PIEZO2: variants seen among roughly 807,000 people sequenced by gnomAD.
PIEZO2 encodes the protein piezo type mechanosensitive ion channel component 2, also known as piezo-type mechanosensitive ion channel component 2.
A neutral mutation model predicts 337.3 loss-of-function variants in PIEZO2; 172 were observed. That is an observed-to-expected ratio of 0.51 (90% CI 0.45 to 0.58). PIEZO2 has a LOEUF of 0.58. Among genes scored for constraint, PIEZO2 ranks in the 20% least tolerant of loss-of-function variants. PIEZO2 has a pLI of 0.00. For missense variants in PIEZO2, 3,028 were observed against 3,391.3 expected (o/e 0.89, Z 2.66); for synonymous variants, 1,251 against 1,228.5 (o/e 1.02, Z -0.38).
chr18:10,810,176 T>C (rs1013623049), intron 7 of PIEZO2, among the ~76,000 whole-genome samples: 1 of 152,114 alleles, frequency 6.6e-6, no homozygotes, highest in Non-Finnish European at 1.5e-5. Flanking sequence ...GACGCAAGTA[T>C]ATGAAAAAGA....
At chr18:10,780,054 A>G (rs1020157075) in intron 18 of PIEZO2, among the ~76,000 whole-genome samples, 1 of 152,160 alleles carries the variant, frequency 6.6e-6, no homozygotes, top group Admixed American at 6.5e-5. Flanking sequence ...CACTAATTCT[A>G]CCAAAGAACA....
At chr18:10,989,760 A>G (rs1338790477) in intron 2 of PIEZO2, among the ~76,000 whole-genome samples, 1 of 152,196 alleles carries the variant, frequency 6.6e-6, no homozygotes, top group Non-Finnish European at 1.5e-5. Flanking sequence ...GCTATTGTAG[A>G]TAAATTATAA....
intron 1 of PIEZO2, among the ~76,000 whole-genome samples, chr18:11,114,539 C>T (rs1160313296): frequency 2.0e-5 from 3 of 152,110 alleles, no homozygotes; most frequent in African/African-American, 4.8e-5. Context: ...GTGGTGTGCA[C>T]CTGTAATCCC....
rs369118135 is a variant in PIEZO2 at position 10,809,040 on chromosome 18, C to T, written c.918-1766G>A. 2.0e-4 allele frequency among the ~76,000 whole-genome samples: 31 copies of T among 152,260 alleles called. No homozygotes were observed. In the East Asian group the frequency reaches 5.4e-3, roughly 27 times the overall value. ...AACTAAATGCTTCATATCATATAGA[C>T]ATTACATACCTTGCCACTGATAACA... is the stretch of plus-strand genomic sequence containing the variant. On this transcript the variant is annotated intron_variant, in intron 7 of 55. Transcript: ENST00000674853.
chr18:10,723,210 G>A (rs575881405), intron 36 of PIEZO2, among the ~76,000 whole-genome samples: 1 of 151,874 alleles, frequency 6.6e-6, no homozygotes, highest in Non-Finnish European at 1.5e-5. Context: ...CAGGTGATCC[G>A]CCCACCTTAG....
rs1431916672 is a variant in PIEZO2 at position 11,110,467 on chromosome 18, G to A, written c.64+38058C>T. Among the ~76,000 whole-genome samples, 2 of 152,186 alleles carry A rather than the reference G, an allele frequency of 1.3e-5. No individual in the cohort carries two copies. The highest frequency in any genetic ancestry group is 2.1e-4 in the South Asian group (1 of 4,826). On this transcript the variant is annotated intron_variant, in intron 1 of 55. Coordinates refer to ENST00000674853, the MANE Select transcript of PIEZO2 (RefSeq NM_001378183.1). The surrounding 1 kb of genome is among the most constrained non-coding windows in gnomAD (Gnocchi z 4.2). ...GCGGCCTTAACTCCTCACAAGTCCC[G>A]TGGGTCCCCATGTGACCTCAGTCCA...
intron 7 of PIEZO2, among the ~76,000 whole-genome samples, chr18:10,831,926 A>T (rs2144543430): frequency 6.6e-6 from 1 of 152,270 alleles, no homozygotes; most frequent in Non-Finnish European, 1.5e-5. Flanking sequence ...AAGCTCCGTG[A>T]TTCTCAGGCT....
At chr18:10,725,478 C>G in intron 36 of PIEZO2, 1 of 1,522,392 alleles carries the variant, frequency 6.6e-7, no homozygotes, top group Non-Finnish European at 9.0e-7. Context: ...TGTGGGTATC[C>G]GGGTGGATGG....
At chr18:10,961,587 T>A (rs1051806831) in intron 3 of PIEZO2, among the ~76,000 whole-genome samples, 9 of 151,912 alleles carry the variant, frequency 5.9e-5, no homozygotes, top group African/African-American at 1.5e-4. Context: ...ATAAAAATTT[T>A]AAAAAAAGAA....
In PIEZO2 at chr18:10,813,289, A is replaced by T. The variant is rs2040256812; in HGVS notation, c.918-6015T>A. ...CCACCGCGCCCGGGCCATTTTAAACATTTTTAAGAACACAGTTCAGTGGTA... is the reference window on the plus strand; with the variant it reads ...CCACCGCGCCCGGGCCATTTTAAACTTTTTTAAGAACACAGTTCAGTGGTA... On this transcript the variant is annotated intron_variant, in intron 7 of 55. Coordinates refer to ENST00000674853, the MANE Select transcript of PIEZO2 (RefSeq NM_001378183.1). The surrounding 1 kb of genome is among the most constrained non-coding windows in gnomAD (Gnocchi z 4.2). 6.6e-6 allele frequency among the ~76,000 whole-genome samples: 1 copy of T among 152,270 alleles called. No homozygotes were observed. Among genetic ancestry groups the T allele is most frequent in the African/African-American group, 2.4e-5 (1 of 41,550 alleles).
chr18:10,934,953 G>A (rs2032301427), intron 3 of PIEZO2, among the ~76,000 whole-genome samples: 2 of 152,062 alleles, frequency 1.3e-5, no homozygotes, highest in African/African-American at 4.8e-5. Context: ...CCACAGAGAG[G>A]TTAACTGACT....
intron 18 of PIEZO2, among the ~76,000 whole-genome samples, chr18:10,776,348 G>A (rs2038785608): frequency 6.6e-6 from 1 of 152,128 alleles, no homozygotes; most frequent in Non-Finnish European, 1.5e-5. Context: ...TAATTACACA[G>A]GAAACATTTT....
In PIEZO2 at chr18:11,001,267, T is replaced by G. The variant is rs1190688605; in HGVS notation, c.161-21607A>C. The stretch of plus-strand genomic sequence containing the variant: ...TACTTTATGGCTTATGGTGGATTTT[T>G]ATGCATGGGTCATCTGGCCACGATT... On this transcript the variant is annotated intron_variant, in intron 2 of 55. Transcript: ENST00000674853. The surrounding 1 kb of genome is among the most constrained non-coding windows in gnomAD (Gnocchi z 5.3). 1.3e-5 allele frequency among the ~76,000 whole-genome samples: 2 copies of G among 152,186 alleles called. No individual in the cohort carries two copies. Among genetic ancestry groups the G allele is most frequent in the Non-Finnish European group, 2.9e-5 (2 of 68,018 alleles).
chr18:10,990,001 C>A (rs1211082843), intron 2 of PIEZO2, among the ~76,000 whole-genome samples: 121 of 152,070 alleles, frequency 8.0e-4, no homozygotes, highest in Non-Finnish European at 1.5e-4. Flanking sequence ...ATGACATTTA[C>A]CACATTATTG....
chr18:10,685,804 A>C (rs2034521827), intron 49 of PIEZO2, among the ~76,000 whole-genome samples: 1 of 152,136 alleles, frequency 6.6e-6, no homozygotes, highest in Non-Finnish European at 1.5e-5. Flanking sequence ...CTTGTACCTA[A>C]AGGGCCTTGT....
At chr18:10,776,308 T>G (rs1178482627) in intron 18 of PIEZO2, among the ~76,000 whole-genome samples, 1 of 152,218 alleles carries the variant, frequency 6.6e-6, no homozygotes, top group Non-Finnish European at 1.5e-5. Flanking sequence ...AAAATTAAGG[T>G]GGTTTCTGTT....
chr18:11,055,534 G>C (rs144034955), intron 2 of PIEZO2, among the ~76,000 whole-genome samples: 1 of 152,240 alleles, frequency 6.6e-6, no homozygotes, highest in Non-Finnish European at 1.5e-5. Flanking sequence ...CTGGGGAAGA[G>C]AATTCCAGGC....
Position 10,828,128 on chromosome 18 carries a change from TTG to T in PIEZO2, c.918-20856_918-20855del, listed in dbSNP as rs1455297900. Among the ~76,000 whole-genome samples, 33 of 87,186 alleles carry T rather than the reference TTG, an allele frequency of 3.8e-4. No homozygotes were observed. Among genetic ancestry groups the T allele is most frequent in the African/African-American group, 1.8e-3 (28 of 15,914 alleles). 57.2% of individuals were successfully genotyped at this position (87,186 alleles called of 152,430 possible). Reference sequence around the variant, plus strand: ...AAATAGCATGACGGTTTTTTTTTGTTTGTTTGTTTTTGTTTTTTTTTTTTTTT... The same window carrying T: ...AAATAGCATGACGGTTTTTTTTTGTTTTTGTTTTTGTTTTTTTTTTTTTTT... On this transcript the variant is annotated intron_variant, in intron 7 of 55. Transcript: ENST00000674853. The surrounding 1 kb of genome is among the most constrained non-coding windows in gnomAD (Gnocchi z 4.1).
chr18:10,789,175 G>T lies in PIEZO2; in HGVS notation c.2073C>A (p.Cys691Ter). ...AGCTGACGAAGAAGAACATGCCTCC[G>T]CAGACGTAGATCCAGTACTTGATGA... ...AMFIKYWIYV[C>*]GGMFFFVSFE... Residue 691 changes from cysteine (C) to a stop codon, truncating the protein, a stop_gained, in exon 15 of 56, where the codon TGC becomes TGA. Coordinates refer to ENST00000674853, the MANE Select transcript of PIEZO2 (RefSeq NM_001378183.1). LOFTEE classifies it high-confidence loss of function. 6.5e-7 allele frequency: 1 copy of T among 1,537,246 alleles called. No homozygotes were observed. Among genetic ancestry groups the T allele is most frequent in the Non-Finnish European group, 8.7e-7 (1 of 1,146,910 alleles).
Sources: gnomAD v4.1 joint callset for allele counts (sites outside exome capture counted in the v4.1 genomes callset) on GRCh38, gnomAD v4.1.1 for gene constraint, Gnocchi (gnomAD v3.1) non-coding constraint, MANE v1.5 for transcripts, NCBI Gene and HGNC (gene_info 2026-07-23, HGNC 2026-07-21) for gene names.